BNC2: variants seen among roughly 807,000 people sequenced by gnomAD.
BNC2 encodes basonuclin zinc finger protein 2.
A neutral mutation model predicts 76.3 loss-of-function variants in BNC2; 20 were observed. The observed-to-expected ratio is 0.26, with a 90% confidence interval of 0.18 to 0.38. The LOEUF (loss-of-function observed/expected upper bound fraction) is 0.38. Ranked by LOEUF, BNC2 falls within the 10% of genes least tolerant of loss-of-function variation. BNC2 has a pLI of 1.00. For missense variants in BNC2, 1,382 were observed against 1,399.8 expected (o/e 0.99, Z 0.20); for synonymous variants, 582 against 514.8 (o/e 1.13, Z -1.77).
At chr9:16,803,314 C>T (rs1483725517) in intron 1 of BNC2, among the ~76,000 whole-genome samples, 1 of 152,178 alleles carries the variant, frequency 6.6e-6, no homozygotes, top group Admixed American at 6.5e-5. Context: ...TTTTAGCCCT[C>T]AACTTTAGTC....
At chr9:16,658,814 T>A (rs746644314) in intron 3 of BNC2, among the ~76,000 whole-genome samples, 2 of 152,168 alleles carry the variant, frequency 1.3e-5, no homozygotes, top group African/African-American at 4.8e-5. Context: ...GAAGGCACTC[T>A]TTCTTATGCC....
At chr9:16,565,743 G>C (rs1404689409) in intron 4 of BNC2, among the ~76,000 whole-genome samples, 3 of 151,828 alleles carry the variant, frequency 2.0e-5, no homozygotes, top group African/African-American at 7.3e-5. Context: ...GGGAGGTCGA[G>C]GCTGCAGTGA....
At chr9:16,468,786 T>A (rs1014676001) in intron 5 of BNC2, among the ~76,000 whole-genome samples, 1 of 152,166 alleles carries the variant, frequency 6.6e-6, no homozygotes, top group African/African-American at 2.4e-5. Context: ...AAAAGTGTTA[T>A]TCAAGGTGAC....
At chr9:16,709,142 G>A (rs1239298066) in intron 3 of BNC2, among the ~76,000 whole-genome samples, 1 of 152,114 alleles carries the variant, frequency 6.6e-6, no homozygotes, top group Admixed American at 6.5e-5. Flanking sequence ...TTCCTATTTG[G>A]GCTGAAGTGT....
chr9:16,830,757 G>T (rs1055002764), intron 1 of BNC2, among the ~76,000 whole-genome samples: 13 of 152,132 alleles, frequency 8.5e-5, no homozygotes, highest in Non-Finnish European at 1.6e-4. Flanking sequence ...ACAGAAAAAA[G>T]AAAAACATGA....
intron 5 of BNC2, among the ~76,000 whole-genome samples, chr9:16,543,503 T>C (rs1277252086): frequency 6.6e-6 from 1 of 152,204 alleles, no homozygotes; most frequent in East Asian, 1.9e-4. Flanking sequence ...GACTCATTTC[T>C]GCTCCTCCTG....
chr9:16,521,005 C>T (rs1480596886), intron 5 of BNC2, among the ~76,000 whole-genome samples: 1 of 152,162 alleles, frequency 6.6e-6, no homozygotes, highest in African/African-American at 2.4e-5. Context: ...CATGGGTTTA[C>T]TTCAATCCCA....
chr9:16,806,737 C>A (rs902382849), intron 1 of BNC2, among the ~76,000 whole-genome samples: 1 of 152,198 alleles, frequency 6.6e-6, no homozygotes, highest in African/African-American at 2.4e-5. Context: ...ACTACAGTCT[C>A]CCTATGGGTT....
intron 1 of BNC2, among the ~76,000 whole-genome samples, chr9:16,756,159 G>A (rs1825379008): frequency 6.6e-6 from 1 of 152,180 alleles, no homozygotes; most frequent in South Asian, 2.1e-4. Flanking sequence ...TATTAACTGT[G>A]ATTTTGTCCC....
At chr9:16,470,976 G>C (rs1821811371) in intron 5 of BNC2, among the ~76,000 whole-genome samples, 1 of 152,298 alleles carries the variant, frequency 6.6e-6, no homozygotes, top group East Asian at 1.9e-4. Context: ...CTTGTACTAT[G>C]CACCTGGAAA....
At chr9:16,706,028 A>G (rs985076592) in intron 3 of BNC2, among the ~76,000 whole-genome samples, 1 of 152,250 alleles carries the variant, frequency 6.6e-6, no homozygotes, top group Non-Finnish European at 1.5e-5. Flanking sequence ...ACTGACAAGC[A>G]ACTATTTTAA....
intron 3 of BNC2, among the ~76,000 whole-genome samples, chr9:16,682,409 C>T (rs67885746): frequency 6.6e-6 from 1 of 151,306 alleles, no homozygotes; most frequent in African/African-American, 2.4e-5. Flanking sequence ...AGCTCATCTC[C>T]GTGATTCCAG....
At chr9:16,620,400 A>C (rs1369833386) in intron 3 of BNC2, among the ~76,000 whole-genome samples, 2 of 152,178 alleles carry the variant, frequency 1.3e-5, no homozygotes, top group Non-Finnish European at 2.9e-5. Flanking sequence ...TTACTGGCAA[A>C]AGTGTTATTT....
At chr9:16,618,176 G>C (rs1000819219) in intron 3 of BNC2, among the ~76,000 whole-genome samples, 1 of 152,168 alleles carries the variant, frequency 6.6e-6, no homozygotes, top group African/African-American at 2.4e-5. Context: ...CTTGGGGACT[G>C]GTTGGCTACA....
intron 3 of BNC2, among the ~76,000 whole-genome samples, chr9:16,688,082 A>C (rs1293082507): frequency 6.6e-6 from 1 of 152,206 alleles, no homozygotes; most frequent in Non-Finnish European, 1.5e-5. Flanking sequence ...ATTCTAAAAA[A>C]TGAGGGATAA....
At chr9:16,541,846 T>C (rs1301267947) in intron 5 of BNC2, among the ~76,000 whole-genome samples, 4 of 152,146 alleles carry the variant, frequency 2.6e-5, no homozygotes, top group Non-Finnish European at 5.9e-5. Flanking sequence ...TGATCTGTGT[T>C]CCAAACATTC....
At chr9:16,725,827 C>A (rs1180679896) in intron 3 of BNC2, among the ~76,000 whole-genome samples, 1 of 152,176 alleles carries the variant, frequency 6.6e-6, no homozygotes, top group Non-Finnish European at 1.5e-5. Flanking sequence ...GACAAAATCT[C>A]CTTAGATTCA....
intron 3 of BNC2, among the ~76,000 whole-genome samples, chr9:16,711,323 G>C (rs370742772): frequency 6.6e-6 from 1 of 152,178 alleles, no homozygotes; most frequent in Non-Finnish European, 1.5e-5. Flanking sequence ...GGCTGTGGTT[G>C]ATTTGGGTTG....
At chr9:16,757,242 G>C (rs1825412292) in intron 1 of BNC2, among the ~76,000 whole-genome samples, 1 of 152,110 alleles carries the variant, frequency 6.6e-6, no homozygotes, top group African/African-American at 2.4e-5. Context: ...AAAGCATGTA[G>C]ATTTACCTAA....
Sources: allele counts gnomAD v4.1 joint callset (sites outside exome capture counted in the v4.1 genomes callset), GRCh38; gene constraint gnomAD v4.1.1; transcripts MANE v1.5; gene names NCBI Gene and HGNC (gene_info 2026-07-23, HGNC 2026-07-21).